The following RELN variants were observed in gnomAD, a reference collection of about 807,000 sequenced individuals.
The protein encoded by RELN is reelin.
In RELN, 108 loss-of-function variants were observed where a neutral mutation model predicts 427.6. The observed-to-expected ratio is 0.25, with a 90% CI of 0.22 to 0.30. The LOEUF (loss-of-function observed/expected upper bound fraction) is 0.30, where lower values mean the gene tolerates loss of function less well. Among genes scored for constraint, RELN ranks in the 10% least tolerant of loss-of-function variants. The pLI is 1.00. For synonymous variants in RELN, 1,524 were observed against 1,513.4 expected, an observed-to-expected ratio of 1.01 and a Z score of -0.16; for missense variants, 3,715 against 4,302.8, an observed-to-expected ratio of 0.86 and a Z score of 3.82.
chr7:103,478,519 T>G, intron 63 of RELN, 125 bp from the exon 64 acceptor site: 1 of 685,020 alleles, frequency 1.5e-6, no homozygotes, highest in Non-Finnish European at 2.7e-6. Context: ...ATAGGATTTT[T>G]CATCTCTTTT....
chr7:103,487,455 C>A (rs1391296218), intron 60 of RELN, among the ~76,000 whole-genome samples: 19 of 95,070 alleles, frequency 2.0e-4, no homozygotes, highest in African/African-American at 3.6e-4. Flanking sequence ...AATGTTGTTA[C>A]AGTAAAAAAA....
At chr7:103,903,124 G>A (rs188659646) in intron 2 of RELN, among the ~76,000 whole-genome samples, 4 of 152,090 alleles carry the variant, frequency 2.6e-5, no homozygotes, top group Admixed American at 2.0e-4. Flanking sequence ...AAATGACTGC[G>A]AGGTCAGAGT....
intron 8 of RELN, among the ~76,000 whole-genome samples, chr7:103,708,975 C>G (rs1269473615): frequency 6.6e-6 from 1 of 152,162 alleles, no homozygotes; most frequent in Non-Finnish European, 1.5e-5. Context: ...CCCTCCAGAG[C>G]AAAGATTTTG....
At chr7:103,675,606 CT>C (rs1001544477) in intron 11 of RELN, among the ~76,000 whole-genome samples, 1 of 152,166 alleles carries the variant, frequency 6.6e-6, no homozygotes, top group African/African-American at 2.4e-5. Context: ...AAGAACAAAG[CT>C]GGAGGCGTCA....
intron 20 of RELN, among the ~76,000 whole-genome samples, chr7:103,629,702 T>C (rs1018890871): frequency 6.6e-6 from 1 of 152,146 alleles, no homozygotes; most frequent in African/African-American, 2.4e-5. Flanking sequence ...AATTTTATGT[T>C]TATTTAAATC....
chr7:103,655,817 A>G (rs1341759057), intron 12 of RELN, among the ~76,000 whole-genome samples: 1 of 152,124 alleles, frequency 6.6e-6, no homozygotes, highest in Non-Finnish European at 1.5e-5. Context: ...ACAGTGGAAC[A>G]GGATGCATCA....
intron 36 of RELN, among the ~76,000 whole-genome samples, chr7:103,559,183 T>C (rs1044735610): frequency 1.3e-5 from 2 of 152,202 alleles, no homozygotes; most frequent in South Asian, 2.1e-4. Flanking sequence ...ACATAGTTTA[T>C]AAGTGGTGAT....
Position 103,572,505 on chromosome 7 carries a change from G to A in RELN, c.4512-245C>T, listed in dbSNP as rs1281094816. On this transcript the variant is annotated intron_variant, in intron 30 of 64. Coordinates refer to ENST00000428762, the MANE Select transcript of RELN (RefSeq NM_005045.4). ...ATAATGAGCTAAACAAAAGGAAACC[G>A]TTGAATATCACTTCATTGTGACAGT... is the stretch of plus-strand genomic sequence containing the variant. Among the ~76,000 whole-genome samples the A allele has an allele frequency of 5.9e-5, 9 of 151,926 alleles. No individual in the cohort carries two copies. In the South Asian group the frequency reaches 1.0e-3, roughly 18 times the overall value.
chr7:103,783,880 T>C (rs897559462), intron 3 of RELN, among the ~76,000 whole-genome samples: 1 of 152,230 alleles, frequency 6.6e-6, no homozygotes, highest in African/African-American at 2.4e-5. Flanking sequence ...TGAACTGTTT[T>C]ACTTAAAGTG....
chr7:103,567,779 TA>T (rs1303519569), intron 31 of RELN, among the ~76,000 whole-genome samples: 3 of 149,112 alleles, frequency 2.0e-5, no homozygotes, highest in South Asian at 2.1e-4. Flanking sequence ...TTTACTTTAT[TA>T]TATATATATT....
At position 103,651,783 on chromosome 7, in the gene RELN, G is replaced by A. The variant is rs146938907; in HGVS notation, c.1770C>T (p.Ser590=). The change falls in exon 15 of 65, where the codon AGC becomes AGT. Residue 590 remains serine, a synonymous_variant. Coordinates refer to ENST00000428762, the MANE Select transcript of RELN (RefSeq NM_005045.4). ...GCCCATGGTTGGTAGAAAATTCCAA[G>A]CTGACACTAATAAAACCAGAACAAG... ...CGTHQPGNSV[S]LEFSTNHGRS... 3.1e-6 allele frequency: 5 copies of A among 1,611,232 alleles called. No homozygotes were observed. In the African/African-American group the frequency reaches 6.7e-5, roughly 22 times the overall value.
At chr7:103,522,710 A>G (rs1207370637) in intron 47 of RELN, among the ~76,000 whole-genome samples, 5 of 152,182 alleles carry the variant, frequency 3.3e-5, no homozygotes, top group African/African-American at 1.2e-4. Flanking sequence ...TGGGAAGCTC[A>G]GGGATCTCAA....
At chr7:103,873,144 T>C (rs1244997184) in intron 2 of RELN, among the ~76,000 whole-genome samples, 3 of 150,666 alleles carry the variant, frequency 2.0e-5, no homozygotes, top group East Asian at 2.0e-4. Flanking sequence ...ATAAAGATGT[T>C]CTTTGAAACC....
chr7:103,783,160 C>CTTT (rs908073449), intron 3 of RELN, among the ~76,000 whole-genome samples: 4 of 81,626 alleles, frequency 4.9e-5, no homozygotes, highest in Non-Finnish European at 6.9e-5. Flanking sequence ...TTTTCTCTTT[C>CTTT]TTTCTTTTTT....
intron 1 of RELN, among the ~76,000 whole-genome samples, chr7:103,947,022 A>T (rs1268324753): frequency 6.6e-6 from 1 of 152,192 alleles, no homozygotes; most frequent in Non-Finnish European, 1.5e-5. Flanking sequence ...TAGCTGTGGA[A>T]ATAATAGGAT....
intron 6 of RELN, among the ~76,000 whole-genome samples, chr7:103,743,842 TAGAC>T (rs1790739613): frequency 6.6e-6 from 1 of 152,062 alleles, no homozygotes; most frequent in Non-Finnish European, 1.5e-5. Flanking sequence ...CTGTCAACAT[TAGAC>T]AGATCAACAA....
chr7:103,893,065 G>A (rs955961137), intron 2 of RELN, among the ~76,000 whole-genome samples: 1 of 152,160 alleles, frequency 6.6e-6, no homozygotes, highest in Admixed American at 6.6e-5. Flanking sequence ...AAGTTCATGG[G>A]TAGAGGAGAA....
chr7:103,660,154 G>T (rs1833107423), intron 12 of RELN, among the ~76,000 whole-genome samples: 1 of 151,932 alleles, frequency 6.6e-6, no homozygotes, highest in African/African-American at 2.4e-5. Context: ...ATCAAAATAT[G>T]GTATGAAATA....
intron 20 of RELN, among the ~76,000 whole-genome samples, chr7:103,615,683 C>G (rs1424053090): frequency 8.5e-5 from 13 of 152,138 alleles, no homozygotes; most frequent in Admixed American, 7.9e-4. Context: ...AAGCTAGAAA[C>G]TAGGCTTTCT....
Sources: gnomAD v4.1 joint callset for allele counts (sites outside exome capture counted in the v4.1 genomes callset) on GRCh38, gnomAD v4.1.1 for gene constraint, MANE v1.5 for transcripts, NCBI Gene and HGNC (gene_info 2026-07-23, HGNC 2026-07-21) for gene names.